TCF3: variants seen among roughly 807,000 people sequenced by gnomAD.
TCF3 encodes transcription factor E2-alpha.
Under a neutral mutation model 72.3 loss-of-function variants are expected in TCF3, and 54 were observed. The observed-to-expected ratio is 0.75, with a 90% confidence interval of 0.60 to 0.94. The LOEUF (loss-of-function observed/expected upper bound fraction) is 0.94. Among genes scored for constraint, TCF3 ranks in the 40% least tolerant of loss-of-function variants. The probability of loss-of-function intolerance (pLI) is 0.00; values close to 1 mark genes in which losing one functional copy is unlikely to be tolerated. For synonymous variants in TCF3, 525 were observed against 412.6 expected, an observed-to-expected ratio of 1.27 and a Z score of -3.30; for missense variants, 1,078 against 934.4, an observed-to-expected ratio of 1.15 and a Z score of -2.00.
intron 5 of TCF3, among the ~76,000 whole-genome samples, chr19:1,629,224 G>A (rs2063383825): frequency 6.6e-6 from 1 of 152,018 alleles, no homozygotes; most frequent in Non-Finnish European, 1.5e-5. Context: ...CTGATGCCCT[G>A]GGGTGCTGGG....
rs750143915 is a variant in TCF3 at position 1,619,849 on chromosome 19, C to T, written c.1098G>A (p.Thr366=). The change falls in exon 14 of 19, where the codon ACG becomes ACA. Residue 366 remains threonine (T), a synonymous_variant. Coordinates refer to ENST00000262965, the MANE Select transcript of TCF3 (RefSeq NM_003200.5). ...GGGCTCCTGCTCGAGGCCACTGTGACGTTCCTGGAAGGGAGTGGGGACGTG... is the reference window on the plus strand; with the variant it reads ...GGGCTCCTGCTCGAGGCCACTGTGATGTTCCTGGAAGGGAGTGGGGACGTG... ...PVGSPQGLAG[T]SQWPRAGAPG... is the part of the protein sequence containing the mutation. 25 of 1,577,138 alleles carry T rather than the reference C, an allele frequency of 1.6e-5. No homozygotes were observed. Among genetic ancestry groups the T allele is most frequent in the Middle Eastern group, 1.7e-4 (1 of 5,860 alleles).
intron 5 of TCF3, 28 bp from the exon 6 acceptor site, chr19:1,627,454 G>A (rs377054728): frequency 2.5e-5 from 41 of 1,609,084 alleles, no homozygotes; most frequent in Admixed American, 3.4e-5. Context: ...AGGTTAGTGG[G>A]AGGCGACCCC....
intron 16 of TCF3, among the ~76,000 whole-genome samples, chr19:1,618,381 G>A (rs565191905): frequency 9.2e-5 from 14 of 152,192 alleles, no homozygotes; most frequent in South Asian, 4.1e-4. Context: ...CCACCAGAGG[G>A]TATCTGTGAG....
chr19:1,611,565 C>A lies in TCF3; in HGVS notation c.*142G>T, dbSNP rs538454165. ...CCTTGGCCGCCCCCATCACTCCGAACCTTGTCAGGTTGGTGTTGGCTCGAT... is the reference window on the plus strand; with the variant it reads ...CCTTGGCCGCCCCCATCACTCCGAAACTTGTCAGGTTGGTGTTGGCTCGAT... On this transcript the variant is annotated 3_prime_UTR_variant, in exon 19 of 19. Transcript: ENST00000262965. 98 of 1,245,206 alleles carry A rather than the reference C, an allele frequency of 7.9e-5. No homozygotes were observed. In the South Asian group the frequency reaches 1.2e-3, roughly 15 times the overall value. The allele number at this position is 1,245,206 out of a possible 1,614,324, so 77.1% of individuals were successfully genotyped here. A position where few individuals can be genotyped will look rare whatever the true frequency, so the allele number is the denominator to read the frequency against.
rs202212254 is a variant in TCF3, at chr19:1,632,367, C to T, written c.184G>A (p.Gly62Ser). 12 of 1,595,256 alleles carry T rather than the reference C, an allele frequency of 7.5e-6. No individual in the cohort carries two copies. The highest frequency in any genetic ancestry group is 5.3e-5 in the African/African-American group (4 of 74,806). ...DRPSSGSWGS[G>S]DQSSSSFDPS... ...TCAAAGGAGGAGCTGCTCTGGTCGCCGCTGCCCCAGGAGCCTGAGCTGGGC... is the reference window on the plus strand; with the variant it reads ...TCAAAGGAGGAGCTGCTCTGGTCGCTGCTGCCCCAGGAGCCTGAGCTGGGC... The change falls in exon 4 of 19, where the codon GGC (glycine) becomes AGC (serine). Residue 62 changes from glycine (G) to serine (S), a missense_variant. Gly to Ser is a moderately conservative substitution (Grantham distance 56, BLOSUM62 0). Coordinates refer to ENST00000262965, the MANE Select transcript of TCF3 (RefSeq NM_003200.5).
chr19:1,644,283 G>T (rs1441458961), intron 3 of TCF3, among the ~76,000 whole-genome samples: 3 of 152,200 alleles, frequency 2.0e-5, no homozygotes, highest in Non-Finnish European at 2.9e-5. Context: ...AGCCTGCAGG[G>T]GCCTGGGGGA....
At chr19:1,612,394 C>G in intron 18 of TCF3, 1 of 1,613,826 alleles carries the variant, frequency 6.2e-7, no homozygotes, top group Non-Finnish European at 8.5e-7. Flanking sequence ...CCCGGTCCCT[C>G]AGGTCTTTCT....
Position 1,621,012 on chromosome 19 carries a change from GAGA to G in TCF3, c.1046_1048del (p.Phe349del), listed in dbSNP as rs754025232. ...GCCCACGGGGGTAGAAGGGCTGGAC[GAGA>G]AGTTATTGCTTGAGTGATCCGGGGA... On this transcript the variant is annotated inframe_deletion, in exon 13 of 19. Transcript: ENST00000262965. 3 of 1,521,476 alleles carry G rather than the reference GAGA, an allele frequency of 2.0e-6. No individual in the cohort carries two copies. The highest frequency in any genetic ancestry group is 2.5e-5 in the South Asian group (2 of 79,004). The allele number at this position is 1,521,476 out of a possible 1,614,324, so 94.2% of individuals were successfully genotyped here.
chr19:1,647,177 C>T (rs1056848974), intron 2 of TCF3, among the ~76,000 whole-genome samples: 3 of 152,076 alleles, frequency 2.0e-5, no homozygotes, highest in Admixed American at 6.5e-5. Flanking sequence ...CCCGGCTCAC[C>T]CGTACCCAGA....
chr19:1,624,501 T>A (rs957705574), intron 7 of TCF3, among the ~76,000 whole-genome samples: 1 of 152,174 alleles, frequency 6.6e-6, no homozygotes, highest in African/African-American at 2.4e-5. Flanking sequence ...GACGCGCAGT[T>A]TGGAAAACGA....
intron 3 of TCF3, 49 bp downstream of exon 3, chr19:1,646,306 C>T (rs971923972): frequency 1.3e-6 from 2 of 1,532,794 alleles, no homozygotes; most frequent in South Asian, 2.4e-5. Context: ...CTTCAACAGA[C>T]CCTTGATCTC....
chr19:1,613,998 C>T (rs1335320744), intron 18 of TCF3, among the ~76,000 whole-genome samples: 1 of 152,262 alleles, frequency 6.6e-6, no homozygotes, highest in Non-Finnish European at 1.5e-5. Context: ...GGTGCGGGTC[C>T]CGGCCCAGGC....
intron 3 of TCF3, among the ~76,000 whole-genome samples, chr19:1,641,024 C>A (rs915989178): frequency 1.6e-4 from 24 of 151,642 alleles, no homozygotes; most frequent in African/African-American, 5.8e-4. Flanking sequence ...GTGGCAGGCA[C>A]CTATATTCCC....
chr19:1,611,882 G>A (rs376656507), intron 18 of TCF3, 33 bp from the exon 19 acceptor site: 7 of 1,416,302 alleles, frequency 4.9e-6, no homozygotes, highest in Non-Finnish European at 4.7e-6. Context: ...TGTGGGAGAC[G>A]GTCCCAGGGA....
chr19:1,611,511 G>A lies in TCF3; in HGVS notation c.*196C>T. 1.5e-6 allele frequency: 1 copy of A among 646,694 alleles called. No homozygotes were observed. Among genetic ancestry groups the A allele is most frequent in the Non-Finnish European group, 2.5e-6 (1 of 401,796 alleles). The allele number at this position is 646,694 out of a possible 1,614,324, so 40.1% of individuals were successfully genotyped here. On this transcript the variant is annotated 3_prime_UTR_variant, in exon 19 of 19. Coordinates refer to ENST00000262965, the MANE Select transcript of TCF3 (RefSeq NM_003200.5). ...CGAGGCCAGTGAGTGGTAGGCCAGG[G>A]CCCCAGGGAGCTCCTGGACCCAGTG...
At chr19:1,634,978 G>A (rs1242118436) in intron 3 of TCF3, among the ~76,000 whole-genome samples, 1 of 152,192 alleles carries the variant, frequency 6.6e-6, no homozygotes, top group Non-Finnish European at 1.5e-5. Flanking sequence ...CCTTGATACA[G>A]AAAAAGACTG....
chr19:1,644,367 C>T (rs963795061), intron 3 of TCF3, among the ~76,000 whole-genome samples: 5 of 151,610 alleles, frequency 3.3e-5, no homozygotes, highest in African/African-American at 1.2e-4. Context: ...CGGGCTCAGG[C>T]GGGCGTTAAC....
Position 1,619,872 on chromosome 19 carries a change from G to A in TCF3, c.1094-19C>T, listed in dbSNP as rs756256803. 35 of 1,562,890 alleles carry A rather than the reference G, an allele frequency of 2.2e-5. No homozygotes were observed. Among genetic ancestry groups the A allele is most frequent in the Non-Finnish European group, 2.8e-5 (32 of 1,153,812 alleles). On this transcript the variant is annotated intron_variant, in intron 13 of 18. Transcript: ENST00000262965. The stretch of plus-strand genomic sequence containing the variant: ...GACGTTCCTGGAAGGGAGTGGGGAC[G>A]TGAATGGGGTGCGAGGGGCGGGGTG...
chr19:1,622,551 T>A (rs1440393463), intron 8 of TCF3, 136 bp from the exon 9 acceptor site: 2 of 532,756 alleles, frequency 3.8e-6, no homozygotes, highest in Non-Finnish European at 6.5e-6. Context: ...GCCACCCCCC[T>A]TTAGGTAAAT....
Sources: gnomAD v4.1 joint callset for allele counts (sites outside exome capture counted in the v4.1 genomes callset) on GRCh38, gnomAD v4.1.1 for gene constraint, MANE v1.5 for transcripts, NCBI Gene and HGNC (gene_info 2026-07-23, HGNC 2026-07-21) for gene names.